CAMTA1: variants seen among roughly 807,000 people sequenced by gnomAD.
CAMTA1 encodes the protein calmodulin binding transcription activator 1.
Under a neutral mutation model 170.9 loss-of-function variants are expected in CAMTA1, and 27 were observed. That is an observed-to-expected ratio of 0.16 (90% CI 0.12 to 0.22). The LOEUF (loss-of-function observed/expected upper bound fraction) is 0.22, where lower values mean the gene tolerates loss of function less well. Ranked by LOEUF, CAMTA1 falls within the 10% of genes least tolerant of loss-of-function variation. The pLI is 1.00. For missense variants in CAMTA1, 1,619 were observed against 2,217.2 expected, an observed-to-expected ratio of 0.73 and a Z score of 5.42; for synonymous variants, 833 against 891.5, an observed-to-expected ratio of 0.93 and a Z score of 1.17.
intron 5 of CAMTA1, among the ~76,000 whole-genome samples, chr1:7,461,002 T>A (rs1386111358): frequency 6.6e-6 from 1 of 152,126 alleles, no homozygotes; most frequent in Non-Finnish European, 1.5e-5. Context: ...GGGGCAGGGC[T>A]GTTTGCAGAG....
intron 3 of CAMTA1, among the ~76,000 whole-genome samples, chr1:7,085,094 A>G (rs1379942475): frequency 3.9e-5 from 6 of 152,230 alleles, no homozygotes; most frequent in African/African-American, 9.6e-5. Context: ...TCAACCCGTC[A>G]TCTAGGATTT....
At chr1:7,180,396 A>G (rs4418630) in intron 4 of CAMTA1, among the ~76,000 whole-genome samples, 7,339 of 152,060 alleles carry the variant, frequency 0.048, 233 homozygotes, top group East Asian at 0.084. Flanking sequence ...GTAGACCTCT[A>G]TTAAAAATAT....
At chr1:6,972,723 G>C (rs2149590441) in intron 3 of CAMTA1, among the ~76,000 whole-genome samples, 1 of 152,232 alleles carries the variant, frequency 6.6e-6, no homozygotes, top group East Asian at 1.9e-4. Context: ...AGTCAGTGTA[G>C]ACGTCTTTCT....
chr1:7,577,120 G>T (rs2095204542), intron 6 of CAMTA1, among the ~76,000 whole-genome samples: 1 of 152,170 alleles, frequency 6.6e-6, no homozygotes, highest in South Asian at 2.1e-4. Context: ...ATTGGTGTGA[G>T]GGATCAACAA....
At chr1:7,548,567 G>T (rs1172874672) in intron 6 of CAMTA1, among the ~76,000 whole-genome samples, 2 of 151,290 alleles carry the variant, frequency 1.3e-5, no homozygotes, top group African/African-American at 4.9e-5. Context: ...CCCCTTAGGG[G>T]TGGAGGTGCT....
chr1:7,404,443 A>G (rs2090142044), intron 5 of CAMTA1, among the ~76,000 whole-genome samples: 1 of 152,254 alleles, frequency 6.6e-6, no homozygotes, highest in African/African-American at 2.4e-5. Context: ...CGAGAAGGTG[A>G]GCCCCTTTGG....
chr1:7,669,397 A>G (rs1049012279), intron 9 of CAMTA1, among the ~76,000 whole-genome samples: 1 of 152,208 alleles, frequency 6.6e-6, no homozygotes, highest in African/African-American at 2.4e-5. Context: ...TTCCAGGAAC[A>G]TTGTGGGGCG....
chr1:7,562,899 C>T lies in CAMTA1; in HGVS notation c.511-77501C>T, dbSNP rs2094978805. On this transcript the variant is annotated intron_variant, in intron 6 of 22. Coordinates refer to ENST00000303635, the MANE Select transcript of CAMTA1 (RefSeq NM_015215.4). The surrounding 1 kb of genome is among the most constrained non-coding windows in gnomAD (Gnocchi z 4.8). The stretch of plus-strand genomic sequence containing the variant: ...CAGCTCCGGGACTCTCCCAGGGCCC[C>T]ATGGGCTGTTTAGCCAGAGCTTGGG... Among the ~76,000 whole-genome samples the T allele has an allele frequency of 6.6e-6, 1 of 152,208 alleles. No homozygotes were observed.
chr1:6,899,551 C>CGT (rs1676439399), intron 3 of CAMTA1, among the ~76,000 whole-genome samples: 8 of 96,338 alleles, frequency 8.3e-5, no homozygotes, highest in African/African-American at 2.9e-4. Context: ...CGCACGCGCG[C>CGT]GCGCACACAC....
intron 7 of CAMTA1, among the ~76,000 whole-genome samples, chr1:7,657,954 C>A (rs1396285682): frequency 6.6e-6 from 1 of 152,186 alleles, no homozygotes; most frequent in Non-Finnish European, 1.5e-5. Flanking sequence ...GCTGCCGCAC[C>A]CCCATCAGGA....
intron 3 of CAMTA1, among the ~76,000 whole-genome samples, chr1:6,837,922 A>G (rs1291494082): frequency 6.6e-6 from 1 of 152,108 alleles, no homozygotes; most frequent in East Asian, 1.9e-4. Context: ...AGCATTTGTC[A>G]TCATCTAATA....
chr1:7,538,928 C>T (rs371275344), intron 6 of CAMTA1, among the ~76,000 whole-genome samples: 12 of 152,270 alleles, frequency 7.9e-5, no homozygotes, highest in African/African-American at 2.6e-4. Context: ...TGTACCCAAG[C>T]GCTGAACTAC....
intron 3 of CAMTA1, among the ~76,000 whole-genome samples, chr1:6,981,055 A>T (rs1323351257): frequency 6.6e-6 from 1 of 151,810 alleles, no homozygotes; most frequent in Admixed American, 6.6e-5. Context: ...ACGTGCTGGC[A>T]CAGTCTCGGT....
intron 1 of CAMTA1, among the ~76,000 whole-genome samples, chr1:6,787,903 A>G (rs1484572793): frequency 6.6e-6 from 1 of 152,188 alleles, no homozygotes; most frequent in Non-Finnish European, 1.5e-5. Context: ...GTGTTTGGAC[A>G]AACGACAGGA....
chr1:7,310,704 T>C (rs7548152), intron 5 of CAMTA1, among the ~76,000 whole-genome samples: 1,677 of 34,272 alleles, frequency 0.049, 120 homozygotes, highest in African/African-American at 0.12. Flanking sequence ...CTCTCTCTCT[T>C]TCTTTCTTTC....
intron 4 of CAMTA1, among the ~76,000 whole-genome samples, chr1:7,094,488 ATTGT>A (rs1388839732): frequency 5.9e-5 from 9 of 152,204 alleles, no homozygotes; most frequent in Admixed American, 2.6e-4. Context: ...AAAATGATAC[ATTGT>A]TTGTGTGGAG....
chr1:7,755,813 C>T, intron 22 of CAMTA1, 145 bp downstream of exon 22: 1 of 724,606 alleles, frequency 1.4e-6, no homozygotes, highest in Non-Finnish European at 2.6e-6. Flanking sequence ...TAAAAACTAA[C>T]CCTAATTACT....
At chr1:6,957,432 A>G (rs1470109353) in intron 3 of CAMTA1, among the ~76,000 whole-genome samples, 1 of 152,078 alleles carries the variant, frequency 6.6e-6, no homozygotes, top group Non-Finnish European at 1.5e-5. Context: ...TCGGTGTTTT[A>G]AAATCAAGGT....
At chr1:7,258,762 G>C (rs370119551) in intron 5 of CAMTA1, among the ~76,000 whole-genome samples, 2 of 152,148 alleles carry the variant, frequency 1.3e-5, no homozygotes, top group African/African-American at 4.8e-5. Context: ...CGTTGCTGGG[G>C]AAGTTTCCTC....
Sources: allele counts gnomAD v4.1 joint callset (sites outside exome capture counted in the v4.1 genomes callset), GRCh38; gene constraint gnomAD v4.1.1; non-coding constraint Gnocchi (gnomAD v3.1); transcripts MANE v1.5; gene names NCBI Gene and HGNC (gene_info 2026-07-23, HGNC 2026-07-21).